The following LMBRD2 variants were observed in gnomAD, a reference collection of about 807,000 sequenced individuals.
LMBRD2 encodes the protein G protein-coupled receptor-associated protein LMBRD2.
LMBRD2 carries 55 observed loss-of-function variants against 94.4 expected under a neutral mutation model. The ratio of observed to expected loss-of-function variants is 0.58; its 90% CI spans 0.47 to 0.73. LMBRD2 has a LOEUF of 0.73. Among genes scored for constraint, LMBRD2 ranks in the 30% least tolerant of loss-of-function variants. LMBRD2 has a pLI of 0.00. For synonymous variants in LMBRD2, 246 were observed against 272.4 expected, an observed-to-expected ratio of 0.90 and a Z score of 0.95; for missense variants, 640 against 831.9, an observed-to-expected ratio of 0.77 and a Z score of 2.84.
intron 3 of LMBRD2, among the ~76,000 whole-genome samples, chr5:36,141,571 C>T (rs900267340): frequency 6.7e-6 from 1 of 149,472 alleles, no homozygotes; most frequent in African/African-American, 2.4e-5. Flanking sequence ...ATACACAATC[C>T]ATTTATAGGT....
Position 36,098,711 on chromosome 5 carries a change from T to A in LMBRD2, c.*5335A>T, listed in dbSNP as rs1348520955. On this transcript the variant is annotated 3_prime_UTR_variant, in exon 18 of 18. Transcript: ENST00000296603. Reference sequence around the variant, plus strand: ...GTCAATCAATTTATCAAAACCAAACTGAGCGAACACTATGCATAGATAAGG... The same window carrying A: ...GTCAATCAATTTATCAAAACCAAACAGAGCGAACACTATGCATAGATAAGG... 1 of 152,076 alleles carries A rather than the reference T, an allele frequency of 6.6e-6. No homozygotes were observed. The highest frequency in any genetic ancestry group is 1.5e-5 in the Non-Finnish European group (1 of 67,938). 9.4% of individuals were successfully genotyped at this position (152,076 alleles called of 1,614,324 possible).
chr5:36,112,359 C>T (rs1743631521), intron 13 of LMBRD2, among the ~76,000 whole-genome samples: 1 of 152,056 alleles, frequency 6.6e-6, no homozygotes. Context: ...TTCTCTTTGT[C>T]TGAAGTATCA....
intron 7 of LMBRD2, 117 bp from the exon 8 acceptor site, chr5:36,123,078 A>G: frequency 5.7e-6 from 6 of 1,061,932 alleles, no homozygotes; most frequent in Middle Eastern, 3.4e-4. Flanking sequence ...ACATCTTCCT[A>G]CTTTATTGTC....
At chr5:36,128,326 A>C (rs1744054857) in intron 6 of LMBRD2, among the ~76,000 whole-genome samples, 1 of 152,246 alleles carries the variant, frequency 6.6e-6, no homozygotes, top group Non-Finnish European at 1.5e-5. Flanking sequence ...CCCACACTGC[A>C]AAGACTATAA....
In LMBRD2 at chr5:36,142,610, G is replaced by A. The variant is rs774943430; in HGVS notation, c.175-11C>T. On this transcript the variant is annotated splice_polypyrimidine_tract_variant and intron_variant, in intron 2 of 17. Coordinates refer to ENST00000296603, the MANE Select transcript of LMBRD2 (RefSeq NM_001007527.2). ...CCGGTTGTATATTGTCTAAAGCAAC[G>A]AATGTATGGTTTAAAAATGAGAATC... 5 of 1,490,760 alleles carry A rather than the reference G, an allele frequency of 3.4e-6. No individual in the cohort carries two copies. Among genetic ancestry groups the A allele is most frequent in the Admixed American group, 3.4e-5 (2 of 59,666 alleles). The allele number at this position is 1,490,760 out of a possible 1,614,324, so 92.3% of individuals were successfully genotyped here.
chr5:36,135,707 A>C (rs1478202375), intron 6 of LMBRD2, among the ~76,000 whole-genome samples: 2 of 152,172 alleles, frequency 1.3e-5, no homozygotes, highest in African/African-American at 2.4e-5. Flanking sequence ...TCCATAACAA[A>C]ATTTTTATTT....
intron 16 of LMBRD2, 157 bp downstream of exon 16, chr5:36,108,377 A>G: frequency 2.2e-6 from 1 of 460,040 alleles, no homozygotes; most frequent in Non-Finnish European, 4.0e-6. Context: ...CCATCCTTCT[A>G]TATACTGAGG....
chr5:36,137,448 G>A lies in LMBRD2; in HGVS notation c.369-7C>T. On this transcript the variant is annotated splice_region_variant and splice_polypyrimidine_tract_variant and intron_variant, in intron 4 of 17. Transcript: ENST00000296603. ...CATAAAAGGTAAGAGAATCCTAGAT[G>A]GATAGAAAAAATATGATTAAAAACC... 6.6e-7 allele frequency: 1 copy of A among 1,506,110 alleles called. No individual in the cohort carries two copies. The highest frequency in any genetic ancestry group is 9.0e-7 in the Non-Finnish European group (1 of 1,115,256). 93.3% of individuals were successfully genotyped at this position (1,506,110 alleles called of 1,614,324 possible). A position where few individuals can be genotyped will look rare whatever the true frequency, so the allele number is the denominator to read the frequency against.
rs9686339 is a variant in LMBRD2, at chr5:36,116,561, A to G, written c.1335T>C (p.Ser445=). The change falls in exon 11 of 18, where the codon AGT becomes AGC. Residue 445 remains serine, a synonymous_variant. Coordinates refer to ENST00000296603, the MANE Select transcript of LMBRD2 (RefSeq NM_001007527.2). ...TGAACACAGTAGAATAAACACAGAT[A>G]CTTAGGAAGAAGATGGAAAGGAAGC... ...IACFLSIFFL[S]ICVYSTVFRI... 4.1e-3 allele frequency: 6,557 copies of G among 1,612,458 alleles called. 251 individuals are homozygous for G. The African/African-American group carries it at 0.078, about 19-fold the overall frequency.
chr5:36,142,392 G>A lies in LMBRD2; in HGVS notation c.272+110C>T, dbSNP rs1744430831. On this transcript the variant is annotated intron_variant, in intron 3 of 17. Coordinates refer to ENST00000296603, the MANE Select transcript of LMBRD2 (RefSeq NM_001007527.2). The stretch of plus-strand genomic sequence containing the variant: ...AGAATAGAGGTGGGGAGAATTAGTA[G>A]AGAATGAGGATAACTTACATAAATA... 4.2e-5 allele frequency: 24 copies of A among 576,028 alleles called. 2 individuals are homozygous for A. The South Asian group carries it at 5.2e-4, about 13-fold the overall frequency. 35.7% of individuals were successfully genotyped at this position (576,028 alleles called of 1,614,324 possible).
At chr5:36,146,701 G>A (rs1212554652) in intron 1 of LMBRD2, among the ~76,000 whole-genome samples, 3 of 152,100 alleles carry the variant, frequency 2.0e-5, no homozygotes, top group African/African-American at 7.2e-5. Context: ...TATGGTTATA[G>A]GACTGAGATC....
At position 36,116,724 on chromosome 5, in the gene LMBRD2, T is replaced by C. The variant is rs1042807976; in HGVS notation, c.1303-131A>G. 1.0e-5 allele frequency: 8 copies of C among 778,916 alleles called. No individual in the cohort carries two copies. In the Admixed American group the frequency reaches 2.0e-4, roughly 19 times the overall value. 48.3% of individuals were successfully genotyped at this position (778,916 alleles called of 1,614,324 possible). On this transcript the variant is annotated intron_variant, in intron 10 of 17. Coordinates refer to ENST00000296603, the MANE Select transcript of LMBRD2 (RefSeq NM_001007527.2). Reference sequence around the variant, plus strand: ...TGGAGTCTCGCCCTGTCACCCAGGCTGGAGTGCAGTGGCGCGATCTTGGCT... The same window carrying C: ...TGGAGTCTCGCCCTGTCACCCAGGCCGGAGTGCAGTGGCGCGATCTTGGCT...
At chr5:36,143,489 A>T in intron 1 of LMBRD2, 83 bp from the exon 2 acceptor site, 1 of 525,278 alleles carries the variant, frequency 1.9e-6, no homozygotes, top group South Asian at 3.3e-5. Context: ...TTATTAGTAC[A>T]TTAATACATT....
intron 6 of LMBRD2, among the ~76,000 whole-genome samples, chr5:36,128,057 G>A (rs1301200362): frequency 6.6e-6 from 1 of 152,198 alleles, no homozygotes; most frequent in African/African-American, 2.4e-5. Flanking sequence ...TCAGGACAAA[G>A]AGAAAGACTC....
chr5:36,120,590 T>C (rs1743867311), intron 9 of LMBRD2, among the ~76,000 whole-genome samples: 1 of 152,138 alleles, frequency 6.6e-6, no homozygotes, highest in Non-Finnish European at 1.5e-5. Flanking sequence ...ACTAATTACA[T>C]GTGATAATTT....
chr5:36,112,253 G>A (rs541416319), intron 13 of LMBRD2, among the ~76,000 whole-genome samples: 1 of 152,240 alleles, frequency 6.6e-6, no homozygotes, highest in South Asian at 2.1e-4. Context: ...TTAATTCTCT[G>A]ACTTCAAACA....
rs184337777 is a variant in LMBRD2 at position 36,124,480 on chromosome 5, T to G, written c.748-215A>C. Among the ~76,000 whole-genome samples the G allele has an allele frequency of 7.3e-4, 111 of 152,258 alleles. No individual in the cohort carries two copies. In the East Asian group the frequency reaches 0.011, roughly 16 times the overall value. On this transcript the variant is annotated intron_variant, in intron 6 of 17. Transcript: ENST00000296603. ...CCTGAACTTTTCCTTACTTTCTAGA[T>G]TCACTCTCTCATCACTTCATTACTT...
Position 36,098,549 on chromosome 5 carries a change from A to ATTC in LMBRD2, c.*5494_*5496dup, listed in dbSNP as rs1743289719. Reference sequence around the variant, plus strand: ...GTAAAATATATAAACAATCAGCAAAATTCTTATTAACTTGTAGAAATGTAA... The same window carrying ATTC: ...GTAAAATATATAAACAATCAGCAAAATTCTTCTTATTAACTTGTAGAAATGTAA... On this transcript the variant is annotated 3_prime_UTR_variant, in exon 18 of 18. Coordinates refer to ENST00000296603, the MANE Select transcript of LMBRD2 (RefSeq NM_001007527.2). 1 of 152,084 alleles carries ATTC rather than the reference A, an allele frequency of 6.6e-6. No homozygotes were observed. Among genetic ancestry groups the ATTC allele is most frequent in the Non-Finnish European group, 1.5e-5 (1 of 67,936 alleles). The allele number at this position is 152,084 out of a possible 1,614,324, so 9.4% of individuals were successfully genotyped here. A position where few individuals can be genotyped will look rare whatever the true frequency, so the allele number is the denominator to read the frequency against.
intron 4 of LMBRD2, among the ~76,000 whole-genome samples, chr5:36,138,059 CAGA>C: frequency 6.6e-6 from 1 of 152,160 alleles, no homozygotes; most frequent in South Asian, 2.1e-4. Context: ...AGGTAGAGAA[CAGA>C]AGGAGGGTAG....
Sources: gnomAD v4.1 joint callset for allele counts (sites outside exome capture counted in the v4.1 genomes callset) on GRCh38, gnomAD v4.1.1 for gene constraint, MANE v1.5 for transcripts, NCBI Gene and HGNC (gene_info 2026-07-23, HGNC 2026-07-21) for gene names.